Variants in FHIP1A observed in about 807,000 individuals in gnomAD.
The protein encoded by FHIP1A is FHF complex subunit HOOK-interacting protein 1A.
Under a neutral mutation model 88.6 loss-of-function variants are expected in FHIP1A, and 61 were observed. That is an observed-to-expected ratio of 0.69 (90% CI 0.56 to 0.85). FHIP1A has a LOEUF of 0.85. Ranked by LOEUF, FHIP1A falls within the 40% of genes least tolerant of loss-of-function variation. The pLI, the probability that FHIP1A is intolerant of heterozygous loss-of-function variation, is 0.00. For synonymous variants in FHIP1A, 478 were observed against 496.0 expected (o/e 0.96, Z 0.48); for missense variants, 1,154 against 1,273.5 (o/e 0.91, Z 1.43).
chr4:151,423,305 T>A (rs1733245425), intron 1 of FHIP1A, among the ~76,000 whole-genome samples: 1 of 151,748 alleles, frequency 6.6e-6, no homozygotes, highest in South Asian at 2.1e-4. Flanking sequence ...CTAATTTATT[T>A]ATATATTAAT....
At chr4:151,623,820 C>A (rs1193406065) in intron 7 of FHIP1A, among the ~76,000 whole-genome samples, 1 of 152,156 alleles carries the variant, frequency 6.6e-6, no homozygotes, top group Non-Finnish European at 1.5e-5. Context: ...TATTATCTTC[C>A]TCTCGCTGTT....
At chr4:151,432,942 C>T (rs1044475963) in intron 1 of FHIP1A, among the ~76,000 whole-genome samples, 10 of 152,038 alleles carry the variant, frequency 6.6e-5, no homozygotes, top group African/African-American at 2.4e-4. Context: ...GGTGAGGTAC[C>T]ATTTAAACCT....
At position 151,663,496 on chromosome 4, in the gene FHIP1A, A is replaced by C. The variant is rs1737552066; in HGVS notation, c.*742A>C. 1 of 152,242 alleles carries C rather than the reference A, an allele frequency of 6.6e-6. No individual in the cohort carries two copies. Among genetic ancestry groups the C allele is most frequent in the South Asian group, 2.1e-4 (1 of 4,838 alleles). The allele number at this position is 152,242 out of a possible 1,614,324, so 9.4% of individuals were successfully genotyped here. Reference sequence around the variant, plus strand: ...ATATTAGTAAGATTTGCACAAAATTAAGTATACCTATGCAAACTATTACTT... The same window carrying C: ...ATATTAGTAAGATTTGCACAAAATTCAGTATACCTATGCAAACTATTACTT... On this transcript the variant is annotated 3_prime_UTR_variant, in exon 14 of 14. Coordinates refer to ENST00000435205, the MANE Select transcript of FHIP1A (RefSeq NM_001109977.3).
intron 4 of FHIP1A, among the ~76,000 whole-genome samples, chr4:151,575,438 G>A (rs144347538): frequency 1.5e-3 from 227 of 152,258 alleles, no homozygotes; most frequent in Non-Finnish European, 2.7e-3. Context: ...TGCTAGGAAG[G>A]TCACCAGGTG....
In FHIP1A at chr4:151,484,872, C is replaced by T. The variant is rs1730022033; in HGVS notation, c.-123+2224C>T. On this transcript the variant is annotated intron_variant, in intron 3 of 13. Transcript: ENST00000435205. ...GAGCAGTTATGGCAGCATTAGAAGG[C>T]TCTCCTTTCTAATGTAATGCCAGGA... Among the ~76,000 whole-genome samples, 3 of 152,124 alleles carry T rather than the reference C, an allele frequency of 2.0e-5. No individual in the cohort carries two copies. The South Asian group carries it at 6.2e-4, about 32-fold the overall frequency.
chr4:151,575,666 C>T (rs1733760484), intron 4 of FHIP1A, among the ~76,000 whole-genome samples: 1 of 152,130 alleles, frequency 6.6e-6, no homozygotes, highest in Non-Finnish European at 1.5e-5. Context: ...ACAGCATTAT[C>T]AACTTTATAA....
chr4:151,623,676 T>C (rs781301183), intron 7 of FHIP1A, among the ~76,000 whole-genome samples: 3 of 152,152 alleles, frequency 2.0e-5, no homozygotes, highest in Non-Finnish European at 4.4e-5. Context: ...AGATATTGAT[T>C]ATCCCCATTT....
rs149493136 is a variant in FHIP1A at position 151,527,607 on chromosome 4, G to C, written c.-122-38531G>C. ...GGCACCTTTGTACTTCTTAACTGCT[G>C]GAAAATTGACTTTATTATTGTTATT... On this transcript the variant is annotated intron_variant, in intron 3 of 13. Coordinates refer to ENST00000435205, the MANE Select transcript of FHIP1A (RefSeq NM_001109977.3). Among the ~76,000 whole-genome samples the C allele has an allele frequency of 8.5e-5, 13 of 152,166 alleles. 1 individual carries two copies. The East Asian group carries it at 2.5e-3, about 29-fold the overall frequency.
At chr4:151,585,310 G>C (rs753511916) in intron 5 of FHIP1A, among the ~76,000 whole-genome samples, 21 of 152,086 alleles carry the variant, frequency 1.4e-4, no homozygotes, top group Admixed American at 3.3e-4. Context: ...TTCCTGAGTA[G>C]CTGGGATTAC....
intron 5 of FHIP1A, among the ~76,000 whole-genome samples, chr4:151,579,351 C>T (rs1288858688): frequency 1.3e-5 from 2 of 152,128 alleles, no homozygotes; most frequent in African/African-American, 2.4e-5. Flanking sequence ...TGTGTTGGGG[C>T]AGCGGCTATG....
Position 151,663,109 on chromosome 4 carries a change from G to A in FHIP1A, c.*355G>A, listed in dbSNP as rs1737535630. 2 of 172,832 alleles carry A rather than the reference G, an allele frequency of 1.2e-5. No homozygotes were observed. Among genetic ancestry groups the A allele is most frequent in the African/African-American group, 4.8e-5 (2 of 42,088 alleles). The allele number at this position is 172,832 out of a possible 1,614,324, so 10.7% of individuals were successfully genotyped here. The stretch of plus-strand genomic sequence containing the variant: ...TTGGGGTTCAGTGATGTCTGGTGAT[G>A]TCTGGAAGTGCCCCATGTCAGAATT... On this transcript the variant is annotated 3_prime_UTR_variant, in exon 14 of 14. Transcript: ENST00000435205.
intron 3 of FHIP1A, among the ~76,000 whole-genome samples, chr4:151,553,783 G>A (rs1443085): frequency 0.13 from 19,038 of 152,138 alleles, 1,298 homozygotes; most frequent in African/African-American, 0.18. Context: ...TATGTGATAG[G>A]TGAAAATTCC....
intron 3 of FHIP1A, among the ~76,000 whole-genome samples, chr4:151,538,377 C>T (rs558666114): frequency 1.2e-4 from 19 of 152,258 alleles, no homozygotes; most frequent in African/African-American, 4.6e-4. Flanking sequence ...TAGTTGTTAA[C>T]ATTTTTATTA....
At chr4:151,585,024 T>C (rs1258479198) in intron 5 of FHIP1A, among the ~76,000 whole-genome samples, 1 of 152,350 alleles carries the variant, frequency 6.6e-6, no homozygotes, top group East Asian at 1.9e-4. Flanking sequence ...AACACTGTTT[T>C]AATTGCCCGT....
chr4:151,463,137 A>G (rs1191999371), intron 2 of FHIP1A, among the ~76,000 whole-genome samples: 2 of 152,214 alleles, frequency 1.3e-5, no homozygotes, highest in Admixed American at 1.3e-4. Context: ...AATAATGAAT[A>G]CTTAACACCC....
chr4:151,464,512 G>A (rs1479536929), intron 2 of FHIP1A, among the ~76,000 whole-genome samples: 1 of 152,288 alleles, frequency 6.6e-6, no homozygotes, highest in East Asian at 1.9e-4. Context: ...GAGTAATGAA[G>A]GACTACTATA....
At chr4:151,474,530 A>G (rs1446311707) in intron 2 of FHIP1A, among the ~76,000 whole-genome samples, 3 of 152,380 alleles carry the variant, frequency 2.0e-5, no homozygotes, top group African/African-American at 2.4e-5. Context: ...GGAAAAGAAC[A>G]TTAAGAATAC....
chr4:151,420,640 T>C (rs180835997), intron 1 of FHIP1A, among the ~76,000 whole-genome samples: 1 of 152,258 alleles, frequency 6.6e-6, no homozygotes, highest in Non-Finnish European at 1.5e-5. Flanking sequence ...TTATCTTTTA[T>C]ACATTTGTCC....
chr4:151,421,184 A>G (rs1733149611), intron 1 of FHIP1A, among the ~76,000 whole-genome samples: 1 of 152,210 alleles, frequency 6.6e-6, no homozygotes, highest in South Asian at 2.1e-4. Flanking sequence ...ATAATTTTGA[A>G]CAATGGTGAA....
Sources: allele counts gnomAD v4.1 joint callset (sites outside exome capture counted in the v4.1 genomes callset), GRCh38; gene constraint gnomAD v4.1.1; transcripts MANE v1.5; gene names NCBI Gene and HGNC (gene_info 2026-07-23, HGNC 2026-07-21).